Variants in DMD observed in about 807,000 individuals in gnomAD.
DMD encodes mutant dystrophin.
In DMD, 63 loss-of-function variants were observed where a neutral mutation model predicts 330.1. That is an observed-to-expected ratio of 0.19 (90% confidence interval 0.16 to 0.24). The LOEUF is 0.24. Among genes scored for constraint, DMD ranks in the 10% least tolerant of loss-of-function variants. The pLI, the probability that DMD is intolerant of heterozygous loss-of-function variation, is 1.00. For synonymous variants in DMD, 1,223 were observed against 959.8 expected (o/e 1.27, Z -5.07); for missense variants, 3,344 against 2,684.1 (o/e 1.25, Z -5.43).
At chrX:33,258,669 A>T (rs1349113691) in intron 1 of DMD, among the ~76,000 whole-genome samples, 2 of 110,904 alleles carry the variant, frequency 1.8e-5, no homozygotes, top group Non-Finnish European at 3.8e-5. Context: ...TTATCCTAGT[A>T]TGTCTTTAGA....
chrX:31,341,824 C>T (rs1258798746), intron 61 of DMD, among the ~76,000 whole-genome samples: 1 of 110,300 alleles, frequency 9.1e-6, no homozygotes, highest in Admixed American at 9.7e-5. Flanking sequence ...CAAACTATTT[C>T]GACTGCAACC....
intron 1 of DMD, chrX:33,159,672 AT>A (rs1044843557): frequency 1.5e-4 from 17 of 111,551 alleles, no homozygotes; most frequent in African/African-American, 5.5e-4. Context: ...CATTTTCTTT[AT>A]CCAGTCTATC....
chrX:32,445,997 G>C, intron 27 of DMD, among the ~76,000 whole-genome samples: 1 of 110,504 alleles, frequency 9.0e-6, no homozygotes, highest in Non-Finnish European at 1.9e-5. Flanking sequence ...TTTTAGAAAA[G>C]TATCCAAAAT....
At chrX:31,687,419 G>A (rs2082755330) in intron 52 of DMD, among the ~76,000 whole-genome samples, 1 of 110,784 alleles carries the variant, frequency 9.0e-6, no homozygotes, top group South Asian at 3.9e-4. Flanking sequence ...TCCTGCCTTG[G>A]GCCAGAGGGG....
intron 1 of DMD, among the ~76,000 whole-genome samples, chrX:33,232,351 AACAGC>A (rs1378372311): frequency 3.6e-5 from 4 of 112,429 alleles, no homozygotes; most frequent in African/African-American, 1.3e-4. Context: ...TCAATATAAT[AACAGC>A]AAGAAGAAAC....
chrX:32,155,076 T>A (rs2096824104), intron 44 of DMD, among the ~76,000 whole-genome samples: 2 of 108,787 alleles, frequency 1.8e-5, no homozygotes, highest in African/African-American at 3.4e-5. Flanking sequence ...TTTTTTTTTT[T>A]AATTTCCCCT....
At chrX:32,681,389 CAT>C (rs912530180) in intron 9 of DMD, among the ~76,000 whole-genome samples, 9 of 111,606 alleles carry the variant, frequency 8.1e-5, no homozygotes, top group Admixed American at 2.9e-4. Context: ...AAAAATCAAA[CAT>C]GTGTTTGAAA....
In DMD at chrX:32,342,161, T is replaced by C. The variant is rs2148812890; in HGVS notation, c.5861A>G (p.Lys1954Arg). 2.5e-6 allele frequency: 3 copies of C among 1,210,564 alleles called. No individual in the cohort carries two copies. The highest frequency in any genetic ancestry group is 3.4e-6 in the Non-Finnish European group (3 of 894,443). ...TTTGCTCTCAATTTCCCGCCAGCGC[T>C]TGCTGAGCTGGATCTGAGTTGGCTC... ...AVEPTQIQLSKRWREIESKFA... is the reference protein window; with the variant it reads ...AVEPTQIQLSRRWREIESKFA... Residue 1954 changes from lysine (K) to arginine (R), a missense_variant, in exon 41 of 79, where the codon AAG becomes AGG. Transcript: ENST00000357033.
At chrX:32,126,078 G>A (rs1270103420) in intron 44 of DMD, among the ~76,000 whole-genome samples, 1 of 111,869 alleles carries the variant, frequency 8.9e-6, no homozygotes, top group African/African-American at 3.3e-5. Context: ...TCACACTTAC[G>A]GGTAGAGAGG....
Position 32,965,520 on chromosome X carries a change from G to A in DMD, c.93+54619C>T, listed in dbSNP as rs762649863. On this transcript the variant is annotated intron_variant, in intron 2 of 78. Transcript: ENST00000357033. The stretch of plus-strand genomic sequence containing the variant: ...AAAAAAAAAAAAAAAGAAGTGGGGT[G>A]GGGGGGTTACTTGGGAATACAGTCT... Among the ~76,000 whole-genome samples, 99 of 107,033 alleles carry A rather than the reference G, an allele frequency of 9.2e-4. 1 individual carries two copies. Among genetic ancestry groups the A allele is most frequent in the African/African-American group, 3.3e-3 (96 of 29,450 alleles). 92.9% of individuals were successfully genotyped at this position (107,033 alleles called of 115,157 possible).
intron 56 of DMD, among the ~76,000 whole-genome samples, chrX:31,497,778 CAA>C (rs1015824224): frequency 1.8e-5 from 2 of 112,172 alleles, no homozygotes; most frequent in Non-Finnish European, 3.8e-5. Flanking sequence ...ATCCAGAAAA[CAA>C]AGAGGAAACG....
chrX:32,651,135 T>C (rs1039035903), intron 9 of DMD, among the ~76,000 whole-genome samples: 6 of 100,174 alleles, frequency 6.0e-5, no homozygotes, highest in African/African-American at 2.7e-4. Context: ...AAATATAATA[T>C]AACTTTTTTT....
rs1167550498 is a variant in DMD at position 31,559,640 on chromosome X, C to CAAAA, written c.8218-52191_8218-52188dup. Among the ~76,000 whole-genome samples the CAAAA allele has an allele frequency of 1.1e-3, 24 of 21,633 alleles. 2 individuals are homozygous for CAAAA. Among genetic ancestry groups the CAAAA allele is most frequent in the Admixed American group, 2.8e-3 (6 of 2,170 alleles). The allele number at this position is 21,633 out of a possible 115,157, so 18.8% of individuals were successfully genotyped here. A position where few individuals can be genotyped will look rare whatever the true frequency, so the allele number is the denominator to read the frequency against. ...TGGGCGACAGAGCGAAACTCCGTCT[C>CAAAA]AAAAAAAAAAAAAAAAAAAAAAAAA... On this transcript the variant is annotated intron_variant, in intron 55 of 78. Coordinates refer to ENST00000357033, the MANE Select transcript of DMD (RefSeq NM_004006.3).
chrX:32,807,122 T>TGAA (rs1345640031), intron 7 of DMD, among the ~76,000 whole-genome samples: 3 of 20,744 alleles, frequency 1.4e-4, no homozygotes, highest in Non-Finnish European at 2.5e-4. Context: ...CGGAAACATT[T>TGAA]AAAAAAAAAA....
At chrX:32,326,806 T>C (rs1191743973) in intron 41 of DMD, among the ~76,000 whole-genome samples, 7 of 108,883 alleles carry the variant, frequency 6.4e-5, no homozygotes, top group African/African-American at 2.4e-4. Flanking sequence ...ACTCTGGAGG[T>C]TGAGGCAGGA....
intron 9 of DMD, among the ~76,000 whole-genome samples, chrX:32,665,269 G>C (rs2061231123): frequency 9.0e-6 from 1 of 111,385 alleles, no homozygotes; most frequent in East Asian, 2.8e-4. Flanking sequence ...CGAGAATTAA[G>C]AATATGGGCT....
chrX:32,470,564 C>T (rs1231308320), intron 22 of DMD, among the ~76,000 whole-genome samples: 11 of 110,699 alleles, frequency 9.9e-5, no homozygotes, highest in Non-Finnish European at 1.9e-5. Flanking sequence ...ACTGCCTTTT[C>T]TTGTGTTTTC....
intron 55 of DMD, among the ~76,000 whole-genome samples, chrX:31,521,504 A>G (rs2072760736): frequency 8.9e-6 from 1 of 112,284 alleles, no homozygotes; most frequent in South Asian, 3.7e-4. Context: ...AATCTGCTTC[A>G]TAACACCCTG....
intron 9 of DMD, among the ~76,000 whole-genome samples, chrX:32,679,553 T>C (rs1421080362): frequency 2.7e-5 from 3 of 111,013 alleles, no homozygotes; most frequent in Admixed American, 9.6e-5. Flanking sequence ...ATGAACTAAA[T>C]GTAATTCAAA....
Sources: allele counts gnomAD v4.1 joint callset (sites outside exome capture counted in the v4.1 genomes callset), GRCh38; gene constraint gnomAD v4.1.1; transcripts MANE v1.5; gene names NCBI Gene and HGNC (gene_info 2026-07-23, HGNC 2026-07-21).